Variants in SLC25A26 observed in about 807,000 individuals in gnomAD.
SLC25A26 encodes the protein solute carrier family 25 member 26, also known as mitochondrial S-adenosylmethionine carrier protein.
A neutral mutation model predicts 37.8 loss-of-function variants in SLC25A26; 36 were observed. That is an observed-to-expected ratio of 0.95 (90% confidence interval 0.73 to 1.26). The LOEUF is 1.26. Among genes scored for constraint, SLC25A26 ranks in the 50% most tolerant of loss-of-function variants. SLC25A26 has a pLI of 0.00. For synonymous variants in SLC25A26, 129 were observed against 122.5 expected, an observed-to-expected ratio of 1.05 and a Z score of -0.35; for missense variants, 390 against 331.1, an observed-to-expected ratio of 1.18 and a Z score of -1.38.
intron 9 of SLC25A26, among the ~76,000 whole-genome samples, chr3:66,377,237 C>T (rs1394468293): frequency 6.6e-6 from 1 of 152,168 alleles, no homozygotes; most frequent in African/African-American, 2.4e-5. Flanking sequence ...AGCCCATTTG[C>T]CTTTCATGCC....
At chr3:66,212,297 A>T (rs899445594) in intron 1 of SLC25A26, among the ~76,000 whole-genome samples, 2,157 of 150,650 alleles carry the variant, frequency 0.014, 47 homozygotes, top group African/African-American at 0.05. Flanking sequence ...TTTTTTTTTC[A>T]TAGAGACAAG....
At chr3:66,375,457 C>A (rs1430204070) in intron 9 of SLC25A26, among the ~76,000 whole-genome samples, 1 of 152,176 alleles carries the variant, frequency 6.6e-6, no homozygotes, top group Non-Finnish European at 1.5e-5. Context: ...AATGCCTGGC[C>A]TCAAAGCTTC....
rs373565149 is a variant in SLC25A26 at position 66,236,555 on chromosome 3, A to G, written c.45A>G (p.Val15=). The part of the protein sequence containing the change: ...GFVAALVAGG[V]AGVSVDLILF... ...TTTTTTTTTCAAAGGCTGGTGGGGTAGCAGGTGTTTCTGTTGACTTGATAT... is the reference window on the plus strand; with the variant it reads ...TTTTTTTTTCAAAGGCTGGTGGGGTGGCAGGTGTTTCTGTTGACTTGATAT... Residue 15 remains valine, a synonymous_variant, in exon 2 of 10, where the codon GTA becomes GTG. Coordinates refer to ENST00000354883, the MANE Select transcript of SLC25A26 (RefSeq NM_001379210.1). 384 of 1,442,420 alleles carry G rather than the reference A, an allele frequency of 2.7e-4. No individual in the cohort carries two copies. The African/African-American group carries it at 4.8e-3, about 18-fold the overall frequency. 89.4% of individuals were successfully genotyped at this position (1,442,420 alleles called of 1,614,324 possible).
At chr3:66,142,343 C>T (rs1274215864) in intron 1 of SLC25A26, among the ~76,000 whole-genome samples, 1 of 152,174 alleles carries the variant, frequency 6.6e-6, no homozygotes, top group East Asian at 1.9e-4. Flanking sequence ...TGTTCAGGAC[C>T]CACTACCCTA....
chr3:66,160,869 G>C (rs1325222489), intron 1 of SLC25A26, among the ~76,000 whole-genome samples: 1 of 152,016 alleles, frequency 6.6e-6, no homozygotes, highest in African/African-American at 2.4e-5. Context: ...TGGTTGGCAG[G>C]GGTTGTAGTG....
In SLC25A26 at chr3:66,243,201, AGCT is replaced by A. The variant is rs2072663689; in HGVS notation, c.195_197del (p.Ala66del). On this transcript the variant is annotated splice_acceptor_variant and coding_sequence_variant, in exon 3 of 10. Coordinates refer to ENST00000354883, the MANE Select transcript of SLC25A26 (RefSeq NM_001379210.1). LOFTEE classifies it high-confidence loss of function. ...GAAAGACTGGCTTGTTTTAAATTTC[AGCT>A]GCTGCATTTTTTATCACCTATGAAT... 1 of 1,549,288 alleles carries A rather than the reference AGCT, an allele frequency of 6.5e-7. No individual in the cohort carries two copies. Among genetic ancestry groups the A allele is most frequent in the Non-Finnish European group, 8.9e-7 (1 of 1,128,754 alleles).
intron 1 of SLC25A26, among the ~76,000 whole-genome samples, chr3:66,215,138 C>A (rs2071341803): frequency 6.6e-6 from 1 of 151,944 alleles, no homozygotes; most frequent in African/African-American, 2.4e-5. Flanking sequence ...AACAAACAAA[C>A]AAAAAACAAA....
chr3:66,152,841 A>G (rs559078070), intron 1 of SLC25A26, among the ~76,000 whole-genome samples: 1 of 152,312 alleles, frequency 6.6e-6, no homozygotes, highest in Non-Finnish European at 1.5e-5. Context: ...ACATTCCATG[A>G]AATCACAAAC....
chr3:66,308,050 A>C (rs2075275993), intron 5 of SLC25A26, among the ~76,000 whole-genome samples: 2 of 152,194 alleles, frequency 1.3e-5, no homozygotes, highest in African/African-American at 4.8e-5. Flanking sequence ...AGTCAATGGT[A>C]GCTTGATGGG....
chr3:66,272,161 T>G (rs565078235), intron 5 of SLC25A26, among the ~76,000 whole-genome samples: 1 of 152,254 alleles, frequency 6.6e-6, no homozygotes, highest in East Asian at 1.9e-4. Context: ...CATACATTAT[T>G]TCACATAATC....
At chr3:66,361,082 T>C (rs1349865640) in intron 6 of SLC25A26, among the ~76,000 whole-genome samples, 1 of 152,124 alleles carries the variant, frequency 6.6e-6, no homozygotes, top group Non-Finnish European at 1.5e-5. Context: ...AGTTCAGAAA[T>C]AGACCCACAC....
intron 5 of SLC25A26, among the ~76,000 whole-genome samples, chr3:66,343,212 G>A (rs1310399842): frequency 2.0e-5 from 3 of 152,158 alleles, no homozygotes; most frequent in Non-Finnish European, 4.4e-5. Context: ...GTATTTGCTG[G>A]CAGCCCATCT....
intron 5 of SLC25A26, among the ~76,000 whole-genome samples, chr3:66,310,518 G>A (rs1045190032): frequency 6.6e-6 from 1 of 152,190 alleles, no homozygotes; most frequent in African/African-American, 2.4e-5. Flanking sequence ...ATATTGTTAT[G>A]TGTGAATTCG....
intron 1 of SLC25A26, among the ~76,000 whole-genome samples, chr3:66,185,004 AAGTATAC>A (rs2070798428): frequency 6.6e-6 from 1 of 152,346 alleles, no homozygotes; most frequent in African/African-American, 2.4e-5. Context: ...AAACATTTTA[AAGTATAC>A]AGTTCAGTGG....
intron 1 of SLC25A26, among the ~76,000 whole-genome samples, chr3:66,202,718 A>G (rs2071127124): frequency 6.6e-6 from 1 of 152,162 alleles, no homozygotes; most frequent in Non-Finnish European, 1.5e-5. Context: ...AGCAGCTCTA[A>G]GAACTCCCAT....
At chr3:66,372,045 A>G (rs889117401) in intron 9 of SLC25A26, among the ~76,000 whole-genome samples, 5 of 152,216 alleles carry the variant, frequency 3.3e-5, no homozygotes, top group African/African-American at 7.2e-5. Flanking sequence ...GTGAGTTACA[A>G]CTGTGCCACT....
chr3:66,209,799 CTATA>C (rs1185308157), intron 1 of SLC25A26, among the ~76,000 whole-genome samples: 5 of 121,660 alleles, frequency 4.1e-5, no homozygotes, highest in African/African-American at 1.2e-4. Context: ...ATATACACAC[CTATA>C]TAAAGGTGTA....
At chr3:66,163,363 A>C (rs1023629054) in intron 1 of SLC25A26, among the ~76,000 whole-genome samples, 2 of 152,136 alleles carry the variant, frequency 1.3e-5, no homozygotes, top group Non-Finnish European at 2.9e-5. Context: ...TATTTTTCTC[A>C]TTATTGGGTT....
chr3:66,242,730 G>C (rs1314879373), intron 2 of SLC25A26, among the ~76,000 whole-genome samples: 2 of 152,126 alleles, frequency 1.3e-5, no homozygotes, highest in East Asian at 3.9e-4. Flanking sequence ...AATTCATGCA[G>C]TAAAAAATAG....
Sources: gnomAD v4.1 joint callset for allele counts (sites outside exome capture counted in the v4.1 genomes callset) on GRCh38, gnomAD v4.1.1 for gene constraint, MANE v1.5 for transcripts, NCBI Gene and HGNC (gene_info 2026-07-23, HGNC 2026-07-21) for gene names.